RASSF3: variants seen among roughly 807,000 people sequenced by gnomAD.
RASSF3 encodes ras association domain-containing protein 3.
RASSF3 carries 19 observed loss-of-function variants against 19.9 expected under a neutral mutation model. That is an observed-to-expected ratio of 0.96 (90% CI 0.67 to 1.40). RASSF3 has a LOEUF of 1.40. RASSF3 is among the 40% of genes most tolerant of loss of function. The pLI, the probability that RASSF3 is intolerant of heterozygous loss-of-function variation, is 0.00. For missense variants in RASSF3, 306 were observed against 289.8 expected, an observed-to-expected ratio of 1.06 and a Z score of -0.41; for synonymous variants, 110 against 104.2, an observed-to-expected ratio of 1.06 and a Z score of -0.34.
downstream of RASSF3, among the ~76,000 whole-genome samples, chr12:64,545,882 A>G (rs896131305): frequency 1.3e-5 from 2 of 152,034 alleles, no homozygotes; most frequent in African/African-American, 4.8e-5. Flanking sequence ...TGCCTCGAAG[A>G]AAAAAGAGAG....
Position 64,559,266 on chromosome 12 carries a change from C to T in RASSF3, c.294+17561C>T, listed in dbSNP as rs538454004. The stretch of plus-strand genomic sequence containing the variant: ...TTTTTCTTTTTTTTTTTTTTTGAGG[C>T]GGAGTCTCACACTGTCGTCCAGGCT... On this transcript the variant is annotated intron_variant, in intron 2 of 5. Transcript: ENST00000637125. Among the ~76,000 whole-genome samples, 34 of 128,196 alleles carry T rather than the reference C, an allele frequency of 2.7e-4. 1 individual carries two copies. Among genetic ancestry groups the T allele is most frequent in the African/African-American group, 8.6e-4 (31 of 36,002 alleles). 84.1% of individuals were successfully genotyped at this position (128,196 alleles called of 152,430 possible).
chr12:64,628,666 T>G (rs1246853413), intron 1 of RASSF3: 1 of 151,954 alleles, frequency 6.6e-6, no homozygotes, highest in Non-Finnish European at 1.5e-5. Context: ...TTGCCTAATT[T>G]TTGTATTATT....
intron 2 of RASSF3, among the ~76,000 whole-genome samples, chr12:64,566,213 T>C (rs76373553): frequency 0.059 from 8,989 of 152,110 alleles, 417 homozygotes; most frequent in Middle Eastern, 0.15. Context: ...AAAAAAGTCT[T>C]GCTGACAGAA....
chr12:64,537,232 T>C (rs1314535790), intron 1 of RASSF3, among the ~76,000 whole-genome samples: 2 of 152,214 alleles, frequency 1.3e-5, no homozygotes, highest in African/African-American at 2.4e-5. Flanking sequence ...CTTACTAAAA[T>C]AGAAATAGCT....
At chr12:64,629,962 AAAAAAAAAAAAAAAAG>A (rs1387624974) in intron 1 of RASSF3, 4 of 93,558 alleles carry the variant, frequency 4.3e-5, no homozygotes, top group African/African-American at 2.1e-4. Flanking sequence ...ACTCCATCTC[AAAAAAAAAAAAAAAAG>A]AAAAAGAAAA....
At chr12:64,571,276 A>G (rs1237766567) in intron 2 of RASSF3, among the ~76,000 whole-genome samples, 1 of 152,212 alleles carries the variant, frequency 6.6e-6, no homozygotes, top group African/African-American at 2.4e-5. Flanking sequence ...AAGCTTGCCC[A>G]GGTTGGTGCA....
intron 1 of RASSF3, among the ~76,000 whole-genome samples, chr12:64,656,103 A>G (rs1413640924): frequency 2.0e-5 from 3 of 152,110 alleles, no homozygotes; most frequent in Non-Finnish European, 4.4e-5. Context: ...GATATGCCTA[A>G]TAACAAAATT....
intron 1 of RASSF3, chr12:64,622,415 A>G: frequency 1.9e-6 from 1 of 512,820 alleles, no homozygotes. Context: ...GGTAGGACAA[A>G]CTGCTGGAAA....
chr12:64,647,075 GC>G (rs1871760900), intron 1 of RASSF3, among the ~76,000 whole-genome samples: 2 of 151,942 alleles, frequency 1.3e-5, no homozygotes, highest in South Asian at 4.1e-4. Context: ...ATGGAATTAG[GC>G]CCCTTTCTTA....
intron 1 of RASSF3, among the ~76,000 whole-genome samples, chr12:64,627,881 T>G (rs1182183335): frequency 6.6e-6 from 1 of 152,230 alleles, no homozygotes; most frequent in Non-Finnish European, 1.5e-5. Context: ...CCTGTCCAGC[T>G]GTGTGGCAAA....
chr12:64,512,258 G>A (rs73315524), intron 1 of RASSF3, among the ~76,000 whole-genome samples: 4,569 of 152,224 alleles, frequency 0.03, 227 homozygotes, highest in African/African-American at 0.1. Flanking sequence ...TGCATCAGTG[G>A]GGCAATAGGC....
At chr12:64,672,794 G>T (rs1026279825) in intron 1 of RASSF3, among the ~76,000 whole-genome samples, 1 of 152,178 alleles carries the variant, frequency 6.6e-6, no homozygotes, top group Non-Finnish European at 1.5e-5. Context: ...TGAGATTACA[G>T]GTATGAACCA....
intron 1 of RASSF3, among the ~76,000 whole-genome samples, chr12:64,647,551 C>G (rs1871782711): frequency 1.3e-5 from 2 of 151,982 alleles, no homozygotes; most frequent in African/African-American, 4.8e-5. Context: ...GCTGGGATTA[C>G]AGGCATCCAC....
chr12:64,559,216 T>A (rs894726743), intron 2 of RASSF3, among the ~76,000 whole-genome samples: 2 of 151,716 alleles, frequency 1.3e-5, no homozygotes, highest in African/African-American at 4.8e-5. Context: ...CTCTGGGTCC[T>A]GTGGGTCCAT....
intron 2 of RASSF3, among the ~76,000 whole-genome samples, chr12:64,591,964 C>T (rs1468925725): frequency 2.6e-5 from 4 of 151,708 alleles, no homozygotes; most frequent in South Asian, 2.1e-4. Context: ...TGCAGTGGCA[C>T]GATCTTGGCT....
intron 1 of RASSF3, among the ~76,000 whole-genome samples, chr12:64,525,471 TC>T (rs1013690079): frequency 1.3e-5 from 2 of 152,054 alleles, no homozygotes; most frequent in African/African-American, 4.8e-5. Context: ...CCTTTTGTTT[TC>T]CCCCCATCTC....
At chr12:64,623,513 A>G (rs373412364) in intron 1 of RASSF3, among the ~76,000 whole-genome samples, 3 of 152,356 alleles carry the variant, frequency 2.0e-5, no homozygotes, top group South Asian at 2.1e-4. Context: ...TGTAGATGGT[A>G]TAAAGAAACA....
intron 2 of RASSF3, among the ~76,000 whole-genome samples, chr12:64,591,425 G>A (rs1043047108): frequency 2.6e-5 from 4 of 151,466 alleles, no homozygotes; most frequent in African/African-American, 4.9e-5. Flanking sequence ...GCAGTGAGCC[G>A]AGATCCCGCC....
intron 1 of RASSF3, among the ~76,000 whole-genome samples, chr12:64,512,417 G>C (rs1868333680): frequency 6.6e-6 from 1 of 151,996 alleles, no homozygotes; most frequent in Non-Finnish European, 1.5e-5. Flanking sequence ...TTCAAGTCCA[G>C]CCTGAGCAAC....
Sources: allele counts gnomAD v4.1 joint callset (sites outside exome capture counted in the v4.1 genomes callset), GRCh38; gene constraint gnomAD v4.1.1; transcripts MANE v1.5; gene names NCBI Gene and HGNC (gene_info 2026-07-23, HGNC 2026-07-21).